CERT1: variants seen among roughly 807,000 people sequenced by gnomAD.
CERT1 encodes the protein ceramide transporter 1.
Under a neutral mutation model 87.9 loss-of-function variants are expected in CERT1, and 31 were observed. That is an observed-to-expected ratio of 0.35 (90% confidence interval 0.27 to 0.48). The LOEUF is 0.48. Among genes scored for constraint, CERT1 ranks in the 20% least tolerant of loss-of-function variants. CERT1 has a pLI of 0.99. For synonymous variants in CERT1, 289 were observed against 250.9 expected (o/e 1.15, Z -1.44); for missense variants, 487 against 758.0 (o/e 0.64, Z 4.20).
At chr5:75,483,941 C>T (rs541295053) in intron 2 of CERT1, among the ~76,000 whole-genome samples, 8 of 151,594 alleles carry the variant, frequency 5.3e-5, no homozygotes, top group Non-Finnish European at 7.4e-5. Flanking sequence ...ATATATAACA[C>T]CTTAATTGTG....
chr5:75,462,367 C>A (rs1380169116), intron 2 of CERT1, among the ~76,000 whole-genome samples: 2 of 152,190 alleles, frequency 1.3e-5, no homozygotes, highest in Admixed American at 6.5e-5. Context: ...GCATTAGATT[C>A]TCATAAGGAG....
At chr5:75,452,144 AG>A (rs1411860886) in intron 3 of CERT1, among the ~76,000 whole-genome samples, 1 of 152,202 alleles carries the variant, frequency 6.6e-6, no homozygotes, top group African/African-American at 2.4e-5. Context: ...GCCTTCACAA[AG>A]GGTAAGAACA....
Position 75,393,030 on chromosome 5 carries a change from TA to T in CERT1, c.1189-3344del, listed in dbSNP as rs200417790. Among the ~76,000 whole-genome samples, 19 of 111,010 alleles carry T rather than the reference TA, an allele frequency of 1.7e-4. No individual in the cohort carries two copies. The South Asian group carries it at 3.5e-3, about 20-fold the overall frequency. 72.8% of individuals were successfully genotyped at this position (111,010 alleles called of 152,430 possible). ...GAAACAAGGAAATACTAAGTTTCAT[TA>T]AAAAAAAAACAAAAACAAAAAACAA... On this transcript the variant is annotated intron_variant, in intron 11 of 16. Transcript: ENST00000643780.
intron 3 of CERT1, among the ~76,000 whole-genome samples, chr5:75,440,921 G>T (rs1381074527): frequency 6.6e-6 from 1 of 151,890 alleles, no homozygotes; most frequent in Non-Finnish European, 1.5e-5. Flanking sequence ...CTGTATCTAT[G>T]GCTCCCTGTT....
At chr5:75,421,513 CT>C (rs541083727) in intron 5 of CERT1, among the ~76,000 whole-genome samples, 2 of 152,130 alleles carry the variant, frequency 1.3e-5, no homozygotes, top group Non-Finnish European at 2.9e-5. Context: ...TCCATCATTC[CT>C]ACAGACTTCA....
chr5:75,455,460 T>C (rs1178394963), intron 3 of CERT1, among the ~76,000 whole-genome samples: 2 of 152,292 alleles, frequency 1.3e-5, no homozygotes, highest in Admixed American at 1.3e-4. Flanking sequence ...CCTATTTTGA[T>C]TAATAAAGAT....
chr5:75,499,180 G>A (rs1321091067), intron 2 of CERT1, among the ~76,000 whole-genome samples: 1 of 152,202 alleles, frequency 6.6e-6, no homozygotes, highest in Non-Finnish European at 1.5e-5. Context: ...GAGGGGACTT[G>A]CCTTGTCTCA....
intron 2 of CERT1, among the ~76,000 whole-genome samples, chr5:75,497,203 A>G (rs1227946314): frequency 1.3e-5 from 2 of 152,176 alleles, no homozygotes; most frequent in East Asian, 1.9e-4. Context: ...TAGTGAGTCA[A>G]CTGCATCTTT....
intron 11 of CERT1, among the ~76,000 whole-genome samples, chr5:75,393,739 G>A (rs529135150): frequency 1.6e-4 from 24 of 151,660 alleles, no homozygotes; most frequent in African/African-American, 4.4e-4. Context: ...GCTGAGGCAC[G>A]CGGACCACGA....
intron 5 of CERT1, among the ~76,000 whole-genome samples, chr5:75,422,528 G>C (rs952586331): frequency 1.3e-5 from 2 of 152,092 alleles, no homozygotes; most frequent in African/African-American, 4.8e-5. Flanking sequence ...GAGGTGGGAG[G>C]ACTGCTTGGG....
At chr5:75,412,021 T>G (rs1393002220) in intron 7 of CERT1, among the ~76,000 whole-genome samples, 1 of 152,190 alleles carries the variant, frequency 6.6e-6, no homozygotes, top group Non-Finnish European at 1.5e-5. Flanking sequence ...AGACCCAGGG[T>G]CAACACTTAA....
At chr5:75,382,118 T>C (rs377033228) in intron 14 of CERT1, 41 bp from the exon 15 acceptor site, 3 of 1,589,958 alleles carry the variant, frequency 1.9e-6, no homozygotes, top group Non-Finnish European at 2.6e-6. Flanking sequence ...AGATCTAACA[T>C]GGAACTAACA....
chr5:75,392,299 T>C (rs1279894319), intron 11 of CERT1, among the ~76,000 whole-genome samples: 1 of 152,200 alleles, frequency 6.6e-6, no homozygotes, highest in African/African-American at 2.4e-5. Flanking sequence ...AAAAATGATA[T>C]TCCTGTAACA....
Position 75,404,283 on chromosome 5 carries a change from C to G in CERT1, c.931-1225G>C, listed in dbSNP as rs566497170. 6.0e-3 allele frequency among the ~76,000 whole-genome samples: 802 copies of G among 134,760 alleles called. 10 individuals are homozygous for G. The highest frequency in any genetic ancestry group is 0.023 in the African/African-American group (768 of 32,924). The allele number at this position is 134,760 out of a possible 152,430, so 88.4% of individuals were successfully genotyped here. A position where few individuals can be genotyped will look rare whatever the true frequency, so the allele number is the denominator to read the frequency against. Reference sequence around the variant, plus strand: ...TTATGAGGACTCAGTCCCCTACAACCTACTTCATAAAAAAAAAAAAAAAAA... The same window carrying G: ...TTATGAGGACTCAGTCCCCTACAACGTACTTCATAAAAAAAAAAAAAAAAA... On this transcript the variant is annotated intron_variant, in intron 8 of 16. Coordinates refer to ENST00000643780, the MANE Select transcript of CERT1 (RefSeq NM_001379029.1).
intron 17 of CERT1, chr5:75,372,239 A>C (rs1018585281): frequency 1.3e-4 from 20 of 152,222 alleles, no homozygotes; most frequent in African/African-American, 4.3e-4. Flanking sequence ...TGGCAAACAG[A>C]GAAACATTTA....
intron 13 of CERT1, among the ~76,000 whole-genome samples, chr5:75,385,120 G>T (rs988529995): frequency 9.2e-5 from 14 of 152,152 alleles, no homozygotes; most frequent in African/African-American, 3.4e-4. Context: ...ATAAACATCT[G>T]ATGATGTTGA....
At chr5:75,511,008 C>CG in intron 1 of CERT1, 104 bp downstream of exon 1, 1 of 1,394,430 alleles carries the variant, frequency 7.2e-7, no homozygotes, top group Non-Finnish European at 9.4e-7. Flanking sequence ...CCTCGCACCC[C>CG]GGCACGTTCC....
chr5:75,491,772 G>C (rs1448408255), intron 2 of CERT1, among the ~76,000 whole-genome samples: 1 of 152,150 alleles, frequency 6.6e-6, no homozygotes, highest in Non-Finnish European at 1.5e-5. Context: ...ATATAGATGT[G>C]AAGTTATTTT....
At chr5:75,376,023 T>C (rs1039243054), downstream of CERT1, 3 of 152,086 alleles carry the variant, frequency 2.0e-5, no homozygotes, top group East Asian at 1.9e-4. Flanking sequence ...CCACAAACAA[T>C]AGACCTCTCT....
Sources: allele counts gnomAD v4.1 joint callset (sites outside exome capture counted in the v4.1 genomes callset), GRCh38; gene constraint gnomAD v4.1.1; transcripts MANE v1.5; gene names NCBI Gene and HGNC (gene_info 2026-07-23, HGNC 2026-07-21).